GABBR2: variants seen among roughly 807,000 people sequenced by gnomAD.
The protein encoded by GABBR2 is G-protein coupled receptor 51.
A neutral mutation model predicts 105.6 loss-of-function variants in GABBR2; 23 were observed. The observed-to-expected ratio is 0.22, with a 90% CI of 0.16 to 0.31. The LOEUF (loss-of-function observed/expected upper bound fraction) is 0.31, where lower values mean the gene tolerates loss of function less well. Ranked by LOEUF, GABBR2 falls within the 10% of genes least tolerant of loss-of-function variation. GABBR2 has a pLI of 1.00. For synonymous variants in GABBR2, 478 were observed against 499.7 expected, an observed-to-expected ratio of 0.96 and a Z score of 0.58; for missense variants, 734 against 1,245.5, an observed-to-expected ratio of 0.59 and a Z score of 6.18.
intron 7 of GABBR2, among the ~76,000 whole-genome samples, chr9:98,432,525 C>T (rs1825831093): frequency 6.6e-6 from 1 of 152,168 alleles, no homozygotes; most frequent in African/African-American, 2.4e-5. Context: ...AGCACACAAA[C>T]CAGGATCCTG....
intron 3 of GABBR2, among the ~76,000 whole-genome samples, chr9:98,509,356 A>G (rs575130319): frequency 1.3e-5 from 2 of 152,362 alleles, no homozygotes; most frequent in South Asian, 4.1e-4. Context: ...TCTAAAAATC[A>G]GAGCACCTCT....
intron 3 of GABBR2, among the ~76,000 whole-genome samples, chr9:98,536,103 G>A (rs1319662037): frequency 6.6e-6 from 1 of 152,082 alleles, no homozygotes; most frequent in African/African-American, 2.4e-5. Flanking sequence ...GGAAATCTCT[G>A]TACCTTACTC....
At chr9:98,453,520 A>G (rs2131602685) in intron 7 of GABBR2, among the ~76,000 whole-genome samples, 1 of 152,328 alleles carries the variant, frequency 6.6e-6, no homozygotes, top group Middle Eastern at 3.4e-3. Context: ...GTTCATCCTA[A>G]ATTCACATGG....
chr9:98,400,806 G>A (rs552272255), intron 8 of GABBR2, among the ~76,000 whole-genome samples: 4 of 152,126 alleles, frequency 2.6e-5, no homozygotes, highest in South Asian at 2.1e-4. Context: ...ACTGATGTAC[G>A]GAGCAACACG....
intron 1 of GABBR2, among the ~76,000 whole-genome samples, chr9:98,696,583 A>G (rs1830756251): frequency 6.6e-6 from 1 of 152,172 alleles, no homozygotes; most frequent in Non-Finnish European, 1.5e-5. Flanking sequence ...GTGCCTTTGA[A>G]AGCACAGCTA....
In GABBR2 at chr9:98,388,182, C is replaced by T. The variant is rs1028279784; in HGVS notation, c.1529+672G>A. ...GACTGACCAGAATAACTCAGTCAGC[C>T]TCTCTCCTCTGGAGAATTAAGGGCA... On this transcript the variant is annotated intron_variant, in intron 10 of 18. Transcript: ENST00000259455. This position sits in a 1 kb window ranked among gnomAD's most constrained non-coding sequence, Gnocchi z 4.4. 1.1e-4 allele frequency among the ~76,000 whole-genome samples: 16 copies of T among 152,226 alleles called. No individual in the cohort carries two copies. Among genetic ancestry groups the T allele is most frequent in the Non-Finnish European group, 2.2e-4 (15 of 68,046 alleles).
chr9:98,361,901 A>G (rs545115), intron 13 of GABBR2, among the ~76,000 whole-genome samples: 61,067 of 152,120 alleles, frequency 0.4, 14,232 homozygotes, highest in African/African-American at 0.65. Flanking sequence ...TTGTCTAGAA[A>G]GATAAAAGGC....
chr9:98,608,650 GA>G (rs916772980), intron 1 of GABBR2, among the ~76,000 whole-genome samples: 3 of 151,770 alleles, frequency 2.0e-5, no homozygotes, highest in South Asian at 2.1e-4. Context: ...AATACACATG[GA>G]AAAAAAACCC....
chr9:98,594,901 C>T (rs1302501546), intron 1 of GABBR2, among the ~76,000 whole-genome samples: 3 of 152,198 alleles, frequency 2.0e-5, no homozygotes, highest in Non-Finnish European at 4.4e-5. Context: ...ATGTGCTAGG[C>T]GTTTACTGAG....
intron 2 of GABBR2, among the ~76,000 whole-genome samples, chr9:98,566,129 A>C (rs1828747626): frequency 6.6e-6 from 1 of 152,206 alleles, no homozygotes; most frequent in African/African-American, 2.4e-5. Flanking sequence ...AAGGTGACCA[A>C]CTTGTCCCGG....
chr9:98,381,718 G>A (rs1831979780), intron 11 of GABBR2, among the ~76,000 whole-genome samples: 1 of 152,162 alleles, frequency 6.6e-6, no homozygotes, highest in Non-Finnish European at 1.5e-5. Flanking sequence ...TTAATTCTCA[G>A]GGGCAGCAAG....
chr9:98,453,144 A>G (rs1284454533), intron 7 of GABBR2, among the ~76,000 whole-genome samples: 1 of 152,128 alleles, frequency 6.6e-6, no homozygotes, highest in African/African-American at 2.4e-5. Flanking sequence ...CTCCTGCCTC[A>G]GCCTCCCGAG....
intron 3 of GABBR2, among the ~76,000 whole-genome samples, chr9:98,501,859 G>A (rs1827406461): frequency 6.6e-6 from 1 of 152,172 alleles, no homozygotes. Context: ...TGGCTTTGAG[G>A]GAAAGCCAGC....
chr9:98,708,845 C>G lies in GABBR2; in HGVS notation c.-108G>C. On this transcript the variant is annotated 5_prime_UTR_variant, in exon 1 of 19. Coordinates refer to ENST00000259455, the MANE Select transcript of GABBR2 (RefSeq NM_005458.8). ...CGGCGCCCGCGCAATGGCGCCGGCC[C>G]GGGCCCCGGCTCCGTCTCGGGCTAG... The G allele has an allele frequency of 1.7e-6, 1 of 605,082 alleles. No homozygotes were observed. The highest frequency in any genetic ancestry group is 2.1e-6 in the Non-Finnish European group (1 of 483,504). 37.5% of individuals were successfully genotyped at this position (605,082 alleles called of 1,614,324 possible).
chr9:98,685,498 A>T (rs1278419600), intron 1 of GABBR2, among the ~76,000 whole-genome samples: 1 of 152,182 alleles, frequency 6.6e-6, no homozygotes, highest in Non-Finnish European at 1.5e-5. Context: ...TACTTGTTGA[A>T]TGAATAAGGG....
chr9:98,404,966 G>T (rs888994991), intron 8 of GABBR2, among the ~76,000 whole-genome samples: 5 of 152,082 alleles, frequency 3.3e-5, no homozygotes, highest in African/African-American at 1.2e-4. Context: ...CACAGACTGG[G>T]AAATTAAACG....
intron 4 of GABBR2, among the ~76,000 whole-genome samples, chr9:98,489,216 G>C (rs1483848174): frequency 1.3e-5 from 2 of 152,238 alleles, no homozygotes; most frequent in South Asian, 2.1e-4. Flanking sequence ...TGGGGATGAA[G>C]TGAATTCATG....
At chr9:98,561,972 G>A (rs927153476) in intron 2 of GABBR2, among the ~76,000 whole-genome samples, 2 of 152,138 alleles carry the variant, frequency 1.3e-5, no homozygotes, top group African/African-American at 4.8e-5. Context: ...TAAAACCATT[G>A]AGTAAAAGCT....
intron 1 of GABBR2, among the ~76,000 whole-genome samples, chr9:98,632,744 G>A (rs922772410): frequency 6.6e-6 from 1 of 152,180 alleles, no homozygotes; most frequent in African/African-American, 2.4e-5. Context: ...TCATGGAGCA[G>A]GATAAGCCAT....
Sources: allele counts gnomAD v4.1 joint callset (sites outside exome capture counted in the v4.1 genomes callset), GRCh38; gene constraint gnomAD v4.1.1; non-coding constraint Gnocchi (gnomAD v3.1); transcripts MANE v1.5; gene names NCBI Gene and HGNC (gene_info 2026-07-23, HGNC 2026-07-21).